The following TYW1 variants were observed in gnomAD, a reference collection of about 807,000 sequenced individuals.
TYW1 encodes the protein S-adenosyl-L-methionine-dependent tRNA 4-demethylwyosine synthase TYW1.
A neutral mutation model predicts 96.2 loss-of-function variants in TYW1; 46 were observed. The ratio of observed to expected loss-of-function variants is 0.48; its 90% CI spans 0.38 to 0.61. The LOEUF is 0.61. Ranked by LOEUF, TYW1 falls within the 20% of genes least tolerant of loss-of-function variation. The pLI, the probability that TYW1 is intolerant of heterozygous loss-of-function variation, is 0.00. For missense variants in TYW1, 684 were observed against 909.6 expected, an observed-to-expected ratio of 0.75 and a Z score of 3.19; for synonymous variants, 274 against 323.0, an observed-to-expected ratio of 0.85 and a Z score of 1.63.
At chr7:67,223,298 T>C (rs1016776414) in intron 15 of TYW1, among the ~76,000 whole-genome samples, 1 of 152,202 alleles carries the variant, frequency 6.6e-6, no homozygotes, top group East Asian at 1.9e-4. Flanking sequence ...ATGTGGCCAC[T>C]GTGTGAATCA....
intron 8 of TYW1, among the ~76,000 whole-genome samples, chr7:67,053,240 C>T (rs1393804409): frequency 2.0e-5 from 3 of 152,048 alleles, no homozygotes; most frequent in Non-Finnish European, 2.9e-5. Context: ...TATTTGTAGT[C>T]TACCTAATGA....
At chr7:67,206,087 A>G (rs879024236) in intron 15 of TYW1, among the ~76,000 whole-genome samples, 25 of 150,436 alleles carry the variant, frequency 1.7e-4, no homozygotes, top group South Asian at 1.5e-3. Context: ...GTTGGGGTTC[A>G]CATCTCCTAG....
intron 8 of TYW1, 71 bp downstream of exon 8, chr7:67,050,137 G>A: frequency 1.9e-6 from 3 of 1,549,494 alleles, no homozygotes; most frequent in East Asian, 2.2e-5. Flanking sequence ...CTGGAATGAA[G>A]TCTCTCTCTA....
intron 14 of TYW1, among the ~76,000 whole-genome samples, chr7:67,188,043 G>A (rs1196115229): frequency 6.6e-6 from 1 of 152,114 alleles, no homozygotes; most frequent in African/African-American, 2.4e-5. Context: ...ATCATTGTCT[G>A]GGCCTCATGG....
intron 6 of TYW1, 116 bp downstream of exon 6, chr7:67,018,259 C>CT (rs1430250521): frequency 7.3e-7 from 1 of 1,368,246 alleles, no homozygotes; most frequent in Non-Finnish European, 9.9e-7. Context: ...GAAGATCTGG[C>CT]TGAGTGCAGT....
intron 6 of TYW1, among the ~76,000 whole-genome samples, chr7:67,024,348 G>T (rs556885392): frequency 6.6e-6 from 1 of 152,000 alleles, no homozygotes; most frequent in African/African-American, 2.4e-5. Flanking sequence ...ACATTTTTTT[G>T]TAGCAATGTG....
In TYW1 at chr7:67,065,577, T is replaced by C. The variant is rs569004312; in HGVS notation, c.1156-1708T>C. Among the ~76,000 whole-genome samples, 10 of 152,244 alleles carry C rather than the reference T, an allele frequency of 6.6e-5. No individual in the cohort carries two copies. In the East Asian group the frequency reaches 1.9e-3, roughly 29 times the overall value. On this transcript the variant is annotated intron_variant, in intron 9 of 15. Transcript: ENST00000359626. ...TTTTATTAGGAACTTGGAAGAGGTTTGTAGGCACAGGTTTTCCCTTCACAC... is the reference window on the plus strand; with the variant it reads ...TTTTATTAGGAACTTGGAAGAGGTTCGTAGGCACAGGTTTTCCCTTCACAC...
intron 11 of TYW1, chr7:67,089,193 T>G (rs1796638535): frequency 4.7e-6 from 3 of 640,136 alleles, no homozygotes; most frequent in Admixed American, 9.0e-5. Flanking sequence ...TCGCCACCCC[T>G]TTCCCCCTTA....
intron 12 of TYW1, 42 bp from the exon 13 acceptor site, chr7:67,117,441 G>A (rs190740498): frequency 1.3e-6 from 2 of 1,584,248 alleles, no homozygotes; most frequent in Non-Finnish European, 1.7e-6. Context: ...GCCTGATAGA[G>A]GAATAATTTT....
Position 66,998,082 on chromosome 7 carries a change from T to C in TYW1, c.22T>C (p.Trp8Arg), listed in dbSNP as rs1793253036. The C allele has an allele frequency of 6.2e-6, 10 of 1,601,022 alleles. No individual in the cohort carries two copies. Among genetic ancestry groups the C allele is most frequent in the South Asian group, 1.1e-5 (1 of 87,770 alleles). Residue 8 changes from tryptophan to arginine, a missense_variant, in exon 2 of 16, where the codon TGG (tryptophan) becomes CGG (arginine). Transcript: ENST00000359626. ...AAATTTAGATCCTTCTGCGGATACA[T>C]GGGACCTCTTCTCACCTTTAATATC... MDPSADT[W>R]DLFSPLISLW...
chr7:67,184,987 G>A (rs1280792682), intron 14 of TYW1, among the ~76,000 whole-genome samples: 5 of 151,832 alleles, frequency 3.3e-5, no homozygotes, highest in Non-Finnish European at 5.9e-5. Context: ...AGATTACAGG[G>A]TTAGAACTAC....
At chr7:67,002,341 T>C (rs1299787321) in intron 3 of TYW1, among the ~76,000 whole-genome samples, 2 of 150,784 alleles carry the variant, frequency 1.3e-5, no homozygotes, top group African/African-American at 4.8e-5. Context: ...CCCATCTCAA[T>C]ATTGGGCTAG....
chr7:67,128,007 C>T (rs1280158761), intron 13 of TYW1, among the ~76,000 whole-genome samples: 1 of 152,070 alleles, frequency 6.6e-6, no homozygotes, highest in East Asian at 1.9e-4. Context: ...TTGAAACTTA[C>T]ATGCTTATCT....
intron 14 of TYW1, among the ~76,000 whole-genome samples, chr7:67,187,052 ATT>A (rs750086247): frequency 1.4e-3 from 140 of 100,880 alleles, no homozygotes; most frequent in Middle Eastern, 5.0e-3. Flanking sequence ...CCACAATTAA[ATT>A]TTTTTTTTTT....
chr7:67,237,918 C>T (rs1040841896), intron 15 of TYW1, among the ~76,000 whole-genome samples: 18 of 152,068 alleles, frequency 1.2e-4, no homozygotes, highest in Non-Finnish European at 2.2e-4. Context: ...AAGGATTCCA[C>T]GAGGTGCTGT....
intron 13 of TYW1, among the ~76,000 whole-genome samples, chr7:67,178,338 C>T (rs1350639435): frequency 6.6e-6 from 1 of 152,196 alleles, no homozygotes; most frequent in Non-Finnish European, 1.5e-5. Flanking sequence ...AAGTACCATG[C>T]ACTCTACTGG....
intron 14 of TYW1, among the ~76,000 whole-genome samples, chr7:67,192,060 C>A (rs905698998): frequency 6.6e-6 from 1 of 151,664 alleles, no homozygotes; most frequent in Non-Finnish European, 1.5e-5. Context: ...CACGCCCAGC[C>A]AATTTTTGTA....
chr7:67,132,054 A>G (rs1798092355), intron 13 of TYW1, among the ~76,000 whole-genome samples: 1 of 151,978 alleles, frequency 6.6e-6, no homozygotes. Flanking sequence ...CTTTGGCAAC[A>G]CCCTCACAGA....
At chr7:67,081,220 CTTTT>C (rs59852863) in intron 10 of TYW1, among the ~76,000 whole-genome samples, 32,421 of 119,898 alleles carry the variant, frequency 0.27, 4,119 homozygotes, top group African/African-American at 0.34. Flanking sequence ...GCTTGGTGGT[CTTTT>C]TTTTTTTTTT....
Sources: allele counts gnomAD v4.1 joint callset (sites outside exome capture counted in the v4.1 genomes callset), GRCh38; gene constraint gnomAD v4.1.1; transcripts MANE v1.5; gene names NCBI Gene and HGNC (gene_info 2026-07-23, HGNC 2026-07-21).